Variants in HTR2C observed in about 807,000 individuals in gnomAD.
HTR2C encodes the protein 5-hydroxytryptamine (serotonin) receptor 2C, G protein-coupled.
A neutral mutation model predicts 21.0 loss-of-function variants in HTR2C; 5 were observed. The ratio of observed to expected loss-of-function variants is 0.24; its 90% CI spans 0.12 to 0.50. The LOEUF is 0.50. Ranked by LOEUF, HTR2C falls within the 20% of genes least tolerant of loss-of-function variation. HTR2C has a pLI of 0.98. For synonymous variants in HTR2C, 150 were observed against 145.3 expected, an observed-to-expected ratio of 1.03 and a Z score of -0.23; for missense variants, 271 against 371.2, an observed-to-expected ratio of 0.73 and a Z score of 2.22.
At chrX:114,886,246 T>C (rs970320116) in intron 5 of HTR2C, among the ~76,000 whole-genome samples, 25 of 111,195 alleles carry the variant, frequency 2.2e-4, no homozygotes, top group Middle Eastern at 4.3e-3. Context: ...GAGTTGTATA[T>C]ACATTGTGCC....
chrX:114,634,919 A>G (rs1464523585), intron 2 of HTR2C, among the ~76,000 whole-genome samples: 1 of 112,642 alleles, frequency 8.9e-6, no homozygotes, highest in African/African-American at 3.2e-5. Flanking sequence ...TTGAAACAAT[A>G]TCCCATAGTT....
chrX:114,908,616 T>C lies in HTR2C; in HGVS notation c.*1201T>C, dbSNP rs2071392981. The C allele has an allele frequency of 8.9e-6, 1 of 112,659 alleles. No homozygotes were observed. Among genetic ancestry groups the C allele is most frequent in the South Asian group, 3.7e-4 (1 of 2,739 alleles). 9.3% of individuals were successfully genotyped at this position (112,659 alleles called of 1,213,427 possible). A position where few individuals can be genotyped will look rare whatever the true frequency, so the allele number is the denominator to read the frequency against. ...TTTCAGATCCTTCCAAACTCTCTAG[T>C]GCAGGAAAAGGCTGCAGCTAATTTG... On this transcript the variant is annotated 3_prime_UTR_variant, in exon 6 of 6. Coordinates refer to ENST00000276198, the MANE Select transcript of HTR2C (RefSeq NM_000868.4).
chrX:114,894,823 C>T (rs782675991), intron 5 of HTR2C, among the ~76,000 whole-genome samples: 1 of 110,252 alleles, frequency 9.1e-6, no homozygotes, highest in Non-Finnish European at 1.9e-5. Flanking sequence ...TGGGTTCAAG[C>T]GATTCTCATG....
chrX:114,682,814 A>T (rs1259922733), intron 2 of HTR2C, among the ~76,000 whole-genome samples: 1 of 111,425 alleles, frequency 9.0e-6, no homozygotes, highest in Non-Finnish European at 1.9e-5. Context: ...TTCATCTTAC[A>T]TTTCTCTTTA....
chrX:114,672,946 A>G (rs1367553826), intron 2 of HTR2C, among the ~76,000 whole-genome samples: 1 of 112,044 alleles, frequency 8.9e-6, no homozygotes, highest in East Asian at 2.8e-4. Flanking sequence ...GTGGATCTGG[A>G]GGCTCATCTA....
intron 1 of HTR2C, chrX:114,589,791 A>G: frequency 3.3e-6 from 1 of 303,157 alleles, no homozygotes; most frequent in Non-Finnish European, 6.2e-6. Flanking sequence ...TTTCGGAAAA[A>G]AGCTAAAACT....
rs782318969 is a variant in HTR2C at position 114,661,292 on chromosome X, A to C, written c.-80+47411A>C. On this transcript the variant is annotated intron_variant, in intron 2 of 5. Coordinates refer to ENST00000276198, the MANE Select transcript of HTR2C (RefSeq NM_000868.4). ...ACACAGTGAAACCCCGTCTCTACTA[A>C]AAATACCGCCGTGGTGGTGGGCGCC... Among the ~76,000 whole-genome samples, 5 of 110,870 alleles carry C rather than the reference A, an allele frequency of 4.5e-5. No individual in the cohort carries two copies. The South Asian group carries it at 1.9e-3, about 43-fold the overall frequency.
chrX:114,713,964 A>G (rs782550491), intron 2 of HTR2C, among the ~76,000 whole-genome samples: 82 of 111,625 alleles, frequency 7.3e-4, no homozygotes, highest in Non-Finnish European at 1.2e-3. Flanking sequence ...ATTGAGTTGT[A>G]CAGGAGGTAC....
At chrX:114,672,348 C>T (rs782166994) in intron 2 of HTR2C, among the ~76,000 whole-genome samples, 2 of 110,504 alleles carry the variant, frequency 1.8e-5, no homozygotes, top group South Asian at 3.8e-4. Context: ...GCTATGATCG[C>T]ACCCCTGCAC....
chrX:114,657,674 T>G (rs1457621505), intron 2 of HTR2C, among the ~76,000 whole-genome samples: 3 of 111,331 alleles, frequency 2.7e-5, no homozygotes, highest in Non-Finnish European at 5.7e-5. Context: ...TCAAGAGAGG[T>G]AATTATCTTT....
chrX:114,798,753 ATG>A (rs1208280867), intron 4 of HTR2C, among the ~76,000 whole-genome samples: 2 of 12,685 alleles, frequency 1.6e-4, no homozygotes, highest in Non-Finnish European at 6.5e-4. Context: ...TAACCATAAT[ATG>A]TTATTGCAGG....
At chrX:114,679,129 C>A (rs1931665611) in intron 2 of HTR2C, among the ~76,000 whole-genome samples, 1 of 111,441 alleles carries the variant, frequency 9.0e-6, no homozygotes, top group African/African-American at 3.3e-5. Flanking sequence ...TAAGCCCCTC[C>A]TGTGGGCAGG....
chrX:114,648,347 T>A (rs1930435623), intron 2 of HTR2C, among the ~76,000 whole-genome samples: 1 of 111,487 alleles, frequency 9.0e-6, no homozygotes, highest in African/African-American at 3.3e-5. Flanking sequence ...TTCTTAAATG[T>A]CAAGGTGCCA....
At chrX:114,842,155 GT>G (rs1420081772) in intron 4 of HTR2C, among the ~76,000 whole-genome samples, 1 of 112,410 alleles carries the variant, frequency 8.9e-6, no homozygotes, top group Non-Finnish European at 1.9e-5. Flanking sequence ...CTGCTTTGCA[GT>G]AAGGGAGCAC....
chrX:114,649,797 T>C (rs1228359536), intron 2 of HTR2C, among the ~76,000 whole-genome samples: 2 of 110,386 alleles, frequency 1.8e-5, no homozygotes, highest in African/African-American at 6.6e-5. Flanking sequence ...GTATTTTTAG[T>C]AGAGATGGGG....
At chrX:114,591,733 T>C (rs1185370343) in intron 1 of HTR2C, among the ~76,000 whole-genome samples, 1 of 112,346 alleles carries the variant, frequency 8.9e-6, no homozygotes, top group African/African-American at 3.2e-5. Flanking sequence ...ATGGCTTAGT[T>C]GAAATTCAGC....
At chrX:114,800,759 G>T (rs1305457859) in intron 4 of HTR2C, among the ~76,000 whole-genome samples, 1 of 111,441 alleles carries the variant, frequency 9.0e-6, no homozygotes, top group Admixed American at 9.7e-5. Context: ...TAAAGACAAA[G>T]ACCAATCTGG....
chrX:114,775,020 C>G, intron 4 of HTR2C: 2 of 482,655 alleles, frequency 4.1e-6, no homozygotes, highest in Non-Finnish European at 7.5e-6. Context: ...CAGCCTGATT[C>G]TTATCCAGCC....
rs369975757 is a variant in HTR2C at position 114,907,442 on chromosome X, G to A, written c.*27G>A. 1.9e-6 allele frequency: 2 copies of A among 1,074,212 alleles called. No individual in the cohort carries two copies. The highest frequency in any genetic ancestry group is 2.6e-6 in the Non-Finnish European group (2 of 780,152). The allele number at this position is 1,074,212 out of a possible 1,213,427, so 88.5% of individuals were successfully genotyped here. A position where few individuals can be genotyped will look rare whatever the true frequency, so the allele number is the denominator to read the frequency against. ...AAAGAACAGCACAGTCTTTTCCTACGGTACAAGCTACATATGTAGGAAAAT... is the reference window on the plus strand; with the variant it reads ...AAAGAACAGCACAGTCTTTTCCTACAGTACAAGCTACATATGTAGGAAAAT... On this transcript the variant is annotated 3_prime_UTR_variant, in exon 6 of 6. Coordinates refer to ENST00000276198, the MANE Select transcript of HTR2C (RefSeq NM_000868.4).
Sources: allele counts gnomAD v4.1 joint callset (sites outside exome capture counted in the v4.1 genomes callset), GRCh38; gene constraint gnomAD v4.1.1; transcripts MANE v1.5; gene names NCBI Gene and HGNC (gene_info 2026-07-23, HGNC 2026-07-21).